The following INKA2 variants were observed in gnomAD, a reference collection of about 807,000 sequenced individuals.
INKA2 encodes PAK4-inhibitor INKA2.
A neutral mutation model predicts 9.8 loss-of-function variants in INKA2; 3 were observed. The observed-to-expected ratio is 0.31, with a 90% confidence interval of 0.14 to 0.79. INKA2 has a LOEUF of 0.79. INKA2 is among the 30% of genes least tolerant of loss of function. INKA2 has a pLI of 0.62. For synonymous variants in INKA2, 147 were observed against 143.3 expected (o/e 1.03, Z -0.18); for missense variants, 392 against 384.4 (o/e 1.02, Z -0.17).
upstream of INKA2, among the ~76,000 whole-genome samples, chr1:111,742,748 C>A (rs1182000690): frequency 6.6e-6 from 1 of 152,232 alleles, no homozygotes; most frequent in Non-Finnish European, 1.5e-5. Flanking sequence ...AATCATAATA[C>A]CAGTGCAGAG....
At chr1:111,743,380 G>A (rs1398183644), upstream of INKA2, among the ~76,000 whole-genome samples, 1 of 152,192 alleles carries the variant, frequency 6.6e-6, no homozygotes, top group African/African-American at 2.4e-5. Context: ...GACAGAGAGG[G>A]TGCAGCTCCT....
chr1:111,735,935 G>T (rs1319301837), intron 1 of INKA2, among the ~76,000 whole-genome samples: 1 of 152,138 alleles, frequency 6.6e-6, no homozygotes, highest in African/African-American at 2.4e-5. Context: ...CATGAGCTCT[G>T]ATCACTCAGC....
At position 111,739,180 on chromosome 1, in the gene INKA2, T is replaced by C. The variant is rs1285752333; in HGVS notation, c.57+6A>G. 1.9e-6 allele frequency: 3 copies of C among 1,613,228 alleles called. No homozygotes were observed. Among genetic ancestry groups the C allele is most frequent in the Non-Finnish European group, 2.5e-6 (3 of 1,179,610 alleles). On this transcript the variant is annotated splice_donor_region_variant and intron_variant, in intron 1 of 1. Transcript: ENST00000357260. The stretch of plus-strand genomic sequence containing the variant: ...CTCCCTGCCCCGGCGCCAGCTTCGC[T>C]CTTACCAGCTCCTGTTTGAGGCGAC...
chr1:111,742,809 C>T (rs1663175834), upstream of INKA2, among the ~76,000 whole-genome samples: 1 of 152,228 alleles, frequency 6.6e-6, no homozygotes, highest in Non-Finnish European at 1.5e-5. Flanking sequence ...TGTGTGGTTC[C>T]CACAAGACTT....
intron 1 of INKA2, among the ~76,000 whole-genome samples, chr1:111,733,125 T>A (rs1207587245): frequency 2.0e-5 from 3 of 152,134 alleles, no homozygotes. Context: ...CCAGCATTCC[T>A]CCCCAGACCT....
rs1342661712 is a variant in INKA2, at chr1:111,723,117, G to A, written c.*3851C>T. ...CAGAAGTGCCTTAACTGCACCGGAT[G>A]GGGAAGGCACCTGAGGTGGGTTCTG... On this transcript the variant is annotated 3_prime_UTR_variant, in exon 2 of 2. Transcript: ENST00000357260. 1 of 700,160 alleles carries A rather than the reference G, an allele frequency of 1.4e-6. No homozygotes were observed. The highest frequency in any genetic ancestry group is 2.6e-6 in the Non-Finnish European group (1 of 383,794). 43.4% of individuals were successfully genotyped at this position (700,160 alleles called of 1,614,324 possible).
At chr1:111,753,577 T>C (rs913202806) in intron 1 of INKA2, among the ~76,000 whole-genome samples, 9 of 152,188 alleles carry the variant, frequency 5.9e-5, no homozygotes, top group African/African-American at 2.2e-4. Context: ...TTTCTGGAAA[T>C]GTAGTCTTTT....
At chr1:111,743,396 CTG>C (rs996563453), upstream of INKA2, among the ~76,000 whole-genome samples, 2 of 152,226 alleles carry the variant, frequency 1.3e-5, no homozygotes, top group African/African-American at 4.8e-5. Context: ...CTCCTGGAAA[CTG>C]TATCCAGTGC....
At chr1:111,733,589 G>A (rs1662955513) in intron 1 of INKA2, among the ~76,000 whole-genome samples, 1 of 152,196 alleles carries the variant, frequency 6.6e-6, no homozygotes, top group African/African-American at 2.4e-5. Flanking sequence ...GAAGAGGGAA[G>A]AGGAACTGCC....
rs547775643 is a variant in INKA2, at chr1:111,755,773, C to T, written n.52G>A. On this transcript the variant is annotated non_coding_transcript_exon_variant, in exon 1 of 2. Coordinates refer to the INKA2 transcript ENST00000444059. The stretch of plus-strand genomic sequence containing the variant: ...CACATTTTTTGTGTGTCTGGGCAGT[C>T]TCTCAGCCTCCGACTCCCGTCCCTT... 47 of 1,612,820 alleles carry T rather than the reference C, an allele frequency of 2.9e-5. No individual in the cohort carries two copies. In the African/African-American group the frequency reaches 6.3e-4, roughly 21 times the overall value.
chr1:111,732,175 G>A (rs1662919697), intron 1 of INKA2, among the ~76,000 whole-genome samples: 1 of 152,214 alleles, frequency 6.6e-6, no homozygotes, highest in Non-Finnish European at 1.5e-5. Flanking sequence ...TGACCCCAGG[G>A]GATGCCATCA....
chr1:111,737,044 A>AG (rs1244053840), intron 1 of INKA2, among the ~76,000 whole-genome samples: 1 of 150,948 alleles, frequency 6.6e-6, no homozygotes, highest in Non-Finnish European at 1.5e-5. Flanking sequence ...GGCATTGGGG[A>AG]GGGGGTGGAG....
chr1:111,752,941 G>A (rs1038308135), intron 1 of INKA2, among the ~76,000 whole-genome samples: 5 of 151,920 alleles, frequency 3.3e-5, no homozygotes, highest in African/African-American at 9.7e-5. Context: ...CTTGTGATCC[G>A]CCCACCTCGG....
chr1:111,733,058 C>T (rs932884935), intron 1 of INKA2, among the ~76,000 whole-genome samples: 2 of 152,176 alleles, frequency 1.3e-5, no homozygotes, highest in Non-Finnish European at 2.9e-5. Context: ...GAGATATCCC[C>T]AAGTAATGGA....
At chr1:111,744,794 C>G (rs763804432) in intron 1 of INKA2, among the ~76,000 whole-genome samples, 1 of 152,066 alleles carries the variant, frequency 6.6e-6, no homozygotes. Context: ...ATTGGCCAGA[C>G]TGGTCTCAAA....
intron 1 of INKA2, chr1:111,754,273 C>T (rs1035897523): frequency 1.3e-5 from 2 of 152,202 alleles, no homozygotes; most frequent in African/African-American, 4.8e-5. Context: ...GCCATCTCCA[C>T]CATCAGTCTC....
At chr1:111,754,714 T>C (rs1452399770) in intron 1 of INKA2, 1 of 152,186 alleles carries the variant, frequency 6.6e-6, no homozygotes, top group Non-Finnish European at 1.5e-5. Context: ...AAATTTGGCA[T>C]GATGACTAAG....
At position 111,729,560 on chromosome 1, in the gene INKA2, T is replaced by G. The variant is rs1571591120; in HGVS notation, c.58-1756A>C. ...CTGATAACATTCACAAGGTTCCCAG[T>G]TCCTGGGCCCAAGCTGCCTTGGTCC... On this transcript the variant is annotated intron_variant, in intron 1 of 1. Coordinates refer to ENST00000357260, the MANE Select transcript of INKA2 (RefSeq NM_019099.5). Among the ~76,000 whole-genome samples the G allele has an allele frequency of 2.0e-5, 3 of 152,314 alleles. No individual in the cohort carries two copies. In the East Asian group the frequency reaches 5.8e-4, roughly 29 times the overall value.
At chr1:111,740,506 G>T (rs1443892985), upstream of INKA2, among the ~76,000 whole-genome samples, 2 of 152,242 alleles carry the variant, frequency 1.3e-5, no homozygotes, top group African/African-American at 2.4e-5. Context: ...GGAGAGCACG[G>T]AGAGTAATTA....
Sources: allele counts gnomAD v4.1 joint callset (sites outside exome capture counted in the v4.1 genomes callset), GRCh38; gene constraint gnomAD v4.1.1; transcripts MANE v1.5; gene names NCBI Gene and HGNC (gene_info 2026-07-23, HGNC 2026-07-21).